IL1RAPL2: variants seen among roughly 807,000 people sequenced by gnomAD.
IL1RAPL2 encodes the protein interleukin 1 receptor accessory protein like 2, also known as X-linked interleukin-1 receptor accessory protein-like 2.
Under a neutral mutation model 44.1 loss-of-function variants are expected in IL1RAPL2, and 3 were observed. That is an observed-to-expected ratio of 0.07 (90% CI 0.03 to 0.18). The LOEUF is 0.18. Ranked by LOEUF, IL1RAPL2 falls within the 10% of genes least tolerant of loss-of-function variation. The pLI, the probability that IL1RAPL2 is intolerant of heterozygous loss-of-function variation, is 1.00. For synonymous variants in IL1RAPL2, 181 were observed against 178.8 expected (o/e 1.01, Z -0.10); for missense variants, 391 against 496.4 (o/e 0.79, Z 2.02).
chrX:104,910,429 T>C (rs1327155565), intron 2 of IL1RAPL2, among the ~76,000 whole-genome samples: 1 of 111,964 alleles, frequency 8.9e-6, no homozygotes, highest in Non-Finnish European at 1.9e-5. Context: ...GCAGGTTTAT[T>C]ACATAGGTAT....
intron 2 of IL1RAPL2, among the ~76,000 whole-genome samples, chrX:104,944,225 C>CAAA: frequency 8.9e-6 from 1 of 111,878 alleles, no homozygotes; most frequent in Non-Finnish European, 1.9e-5. Context: ...ATTTATACCT[C>CAAA]CTCTAGTAGA....
At chrX:105,003,161 A>T (rs768680481) in intron 2 of IL1RAPL2, among the ~76,000 whole-genome samples, 26 of 111,344 alleles carry the variant, frequency 2.3e-4, no homozygotes, top group African/African-American at 8.1e-4. Flanking sequence ...GTCTCTCCCA[A>T]ATATGCAATG....
intron 2 of IL1RAPL2, among the ~76,000 whole-genome samples, chrX:104,913,375 T>G (rs1448755366): frequency 1.8e-5 from 2 of 111,447 alleles, no homozygotes; most frequent in Non-Finnish European, 3.8e-5. Flanking sequence ...GTGGAATATT[T>G]CACAAGGTTT....
intron 1 of IL1RAPL2, among the ~76,000 whole-genome samples, chrX:104,571,916 C>G (rs1452855353): frequency 1.8e-5 from 2 of 111,767 alleles, no homozygotes; most frequent in East Asian, 5.6e-4. Flanking sequence ...GAAATTACAC[C>G]TTTTAAAAAT....
chrX:105,724,627 A>G (rs2147560063), intron 7 of IL1RAPL2, among the ~76,000 whole-genome samples: 1 of 112,049 alleles, frequency 8.9e-6, no homozygotes, highest in East Asian at 2.8e-4. Context: ...CTAACTCCAG[A>G]AGATATAATT....
At chrX:104,670,987 G>C (rs952786362) in intron 2 of IL1RAPL2, among the ~76,000 whole-genome samples, 2 of 110,937 alleles carry the variant, frequency 1.8e-5, no homozygotes, top group African/African-American at 6.6e-5. Flanking sequence ...TTGCATACAG[G>C]ATAAAGGTAA....
chrX:105,754,324 T>A (rs2038619994), intron 9 of IL1RAPL2, among the ~76,000 whole-genome samples: 1 of 112,039 alleles, frequency 8.9e-6, no homozygotes, highest in African/African-American at 3.2e-5. Context: ...ATACCTCAAG[T>A]AGCTATGTTC....
intron 3 of IL1RAPL2, among the ~76,000 whole-genome samples, chrX:105,209,855 A>G (rs1556155997): frequency 8.9e-6 from 1 of 111,895 alleles, no homozygotes; most frequent in African/African-American, 3.3e-5. Context: ...TATGAAAACA[A>G]TTTGTACGAC....
At chrX:105,387,525 G>A (rs761315459) in intron 5 of IL1RAPL2, among the ~76,000 whole-genome samples, 1 of 109,852 alleles carries the variant, frequency 9.1e-6, no homozygotes, top group Non-Finnish European at 1.9e-5. Context: ...GAGCCACCGC[G>A]CCTGGCCTCC....
intron 5 of IL1RAPL2, among the ~76,000 whole-genome samples, chrX:105,309,731 CA>C (rs35442561): frequency 2.1e-5 from 2 of 94,720 alleles, no homozygotes; most frequent in African/African-American, 3.9e-5. Context: ...GACTCTGTCT[CA>C]AAAAAAAAAA....
intron 5 of IL1RAPL2, among the ~76,000 whole-genome samples, chrX:105,476,500 T>A (rs2036198370): frequency 8.9e-6 from 1 of 111,932 alleles, no homozygotes; most frequent in South Asian, 3.8e-4. Context: ...GATCACTGGT[T>A]CTGTTTTTTG....
intron 2 of IL1RAPL2, among the ~76,000 whole-genome samples, chrX:104,831,863 C>T (rs997659914): frequency 9.0e-6 from 1 of 111,654 alleles, no homozygotes; most frequent in Non-Finnish European, 1.9e-5. Flanking sequence ...AAAACCTTTA[C>T]TTTTATCTCT....
chrX:104,614,211 T>G (rs1449514473), intron 1 of IL1RAPL2, among the ~76,000 whole-genome samples: 1 of 111,542 alleles, frequency 9.0e-6, no homozygotes, highest in African/African-American at 3.3e-5. Context: ...TCTCTGGTTT[T>G]ACTTATTTTC....
chrX:104,903,368 A>C lies in IL1RAPL2; in HGVS notation c.82+244373A>C, dbSNP rs1451379566. On this transcript the variant is annotated intron_variant, in intron 2 of 10. Transcript: ENST00000372582. ...GATGAGAAATTATTTTAAAAGAAAA[A>C]AACTTTCTAAGGAGAATCTTCATTA... Among the ~76,000 whole-genome samples, 4 of 111,555 alleles carry C rather than the reference A, an allele frequency of 3.6e-5. No individual in the cohort carries two copies. In the Admixed American group the frequency reaches 3.8e-4, roughly 11 times the overall value.
At chrX:105,285,609 C>A (rs1290409763) in intron 5 of IL1RAPL2, among the ~76,000 whole-genome samples, 2 of 111,361 alleles carry the variant, frequency 1.8e-5, no homozygotes, top group African/African-American at 6.5e-5. Context: ...AATTTATGTG[C>A]CCCCAAAGAC....
intron 1 of IL1RAPL2, among the ~76,000 whole-genome samples, chrX:104,591,623 G>A (rs375930555): frequency 4.7e-4 from 25 of 53,619 alleles, no homozygotes; most frequent in African/African-American, 1.4e-3. Flanking sequence ...TTCCTTCTGT[G>A]GCTTTTTTTT....
intron 6 of IL1RAPL2, among the ~76,000 whole-genome samples, chrX:105,567,118 A>T (rs1602470398): frequency 2.7e-5 from 3 of 111,691 alleles, no homozygotes; most frequent in African/African-American, 9.8e-5. Flanking sequence ...TATGTCTTTA[A>T]GGCCAGTTCC....
chrX:105,190,061 T>G (rs1335932492), intron 2 of IL1RAPL2, among the ~76,000 whole-genome samples: 1 of 111,652 alleles, frequency 9.0e-6, no homozygotes, highest in Non-Finnish European at 1.9e-5. Context: ...ATCAGTAAAG[T>G]GGAAATAACA....
chrX:104,830,157 C>T (rs1440139484), intron 2 of IL1RAPL2, among the ~76,000 whole-genome samples: 1 of 111,356 alleles, frequency 9.0e-6, no homozygotes, highest in Non-Finnish European at 1.9e-5. Context: ...ACAGATGTAA[C>T]CAAGTGTGAA....
Sources: gnomAD v4.1 joint callset for allele counts (sites outside exome capture counted in the v4.1 genomes callset) on GRCh38, gnomAD v4.1.1 for gene constraint, MANE v1.5 for transcripts, NCBI Gene and HGNC (gene_info 2026-07-23, HGNC 2026-07-21) for gene names.